The following PTPRD variants were observed in gnomAD, a reference collection of about 807,000 sequenced individuals.
PTPRD encodes protein tyrosine phosphatase receptor type D.
In PTPRD, 34 loss-of-function variants were observed where a neutral mutation model predicts 214.5. The observed-to-expected ratio is 0.16, with a 90% CI of 0.12 to 0.21. PTPRD has a LOEUF of 0.21. Ranked by LOEUF, PTPRD falls within the 10% of genes least tolerant of loss-of-function variation. The pLI is 1.00. For synonymous variants in PTPRD, 1,128 were observed against 845.7 expected (o/e 1.33, Z -5.79); for missense variants, 2,545 against 2,398.7 (o/e 1.06, Z -1.27).
At chr9:8,824,893 C>G (rs942783122) in intron 11 of PTPRD, among the ~76,000 whole-genome samples, 2 of 152,126 alleles carry the variant, frequency 1.3e-5, no homozygotes, top group Admixed American at 1.3e-4. Context: ...GTATTTTTCC[C>G]AGTTTTCCAT....
chr9:8,760,122 G>T (rs888773226), intron 11 of PTPRD, among the ~76,000 whole-genome samples: 1 of 152,284 alleles, frequency 6.6e-6, no homozygotes, highest in East Asian at 1.9e-4. Context: ...GTAGAGACCG[G>T]GTTTTACCAC....
intron 5 of PTPRD, among the ~76,000 whole-genome samples, chr9:9,796,518 A>C (rs889695123): frequency 6.6e-6 from 1 of 152,154 alleles, no homozygotes; most frequent in Non-Finnish European, 1.5e-5. Context: ...TAAAGCTAAG[A>C]AAGTAGATGA....
intron 14 of PTPRD, among the ~76,000 whole-genome samples, chr9:8,580,792 G>A (rs929240628): frequency 6.6e-6 from 1 of 151,946 alleles, no homozygotes; most frequent in Non-Finnish European, 1.5e-5. Flanking sequence ...ACACACACAC[G>A]CTTATATAAA....
intron 14 of PTPRD, among the ~76,000 whole-genome samples, chr9:8,611,719 GAAAAGAC>G (rs1341556811): frequency 1.8e-5 from 2 of 114,242 alleles, no homozygotes; most frequent in Non-Finnish European, 3.8e-5. Context: ...AAGAAAAAAA[GAAAAGAC>G]AAAAGAAAAA....
At chr9:10,263,230 T>C (rs1361881836) in intron 3 of PTPRD, among the ~76,000 whole-genome samples, 2 of 152,182 alleles carry the variant, frequency 1.3e-5, no homozygotes, top group African/African-American at 4.8e-5. Context: ...TAAAGTTACC[T>C]GAAAATGTGG....
At chr9:9,909,355 A>G (rs936448547) in intron 5 of PTPRD, among the ~76,000 whole-genome samples, 2 of 150,124 alleles carry the variant, frequency 1.3e-5, no homozygotes, top group Non-Finnish European at 3.0e-5. Context: ...TATTAATTTA[A>G]CTAACAAGAT....
At chr9:8,444,566 A>G (rs866752388) in intron 34 of PTPRD, among the ~76,000 whole-genome samples, 12 of 152,148 alleles carry the variant, frequency 7.9e-5, no homozygotes, top group Admixed American at 1.3e-4. Context: ...GGTGGAATGA[A>G]GAGTAATTTT....
chr9:9,874,501 A>T (rs2066318945), intron 5 of PTPRD, among the ~76,000 whole-genome samples: 1 of 152,198 alleles, frequency 6.6e-6, no homozygotes, highest in African/African-American at 2.4e-5. Flanking sequence ...CTTAAATGTA[A>T]GCGTGCCTTT....
At chr9:9,723,825 T>C (rs1596067348) in intron 7 of PTPRD, among the ~76,000 whole-genome samples, 1 of 152,264 alleles carries the variant, frequency 6.6e-6, no homozygotes. Context: ...ATTACGAATG[T>C]ATAGAAATAT....
intron 35 of PTPRD, among the ~76,000 whole-genome samples, chr9:8,430,645 G>C (rs1292109796): frequency 2.0e-5 from 3 of 152,078 alleles, no homozygotes; most frequent in Admixed American, 2.0e-4. Context: ...ATCAGTAGCA[G>C]TGGGGTAGTA....
intron 3 of PTPRD, among the ~76,000 whole-genome samples, chr9:10,189,212 G>A (rs2154317778): frequency 6.6e-6 from 1 of 152,230 alleles, no homozygotes; most frequent in Middle Eastern, 3.4e-3. Flanking sequence ...GTCCCATCTA[G>A]GAAAGGTCTG....
intron 8 of PTPRD, among the ~76,000 whole-genome samples, chr9:9,456,287 A>G (rs1220989803): frequency 6.6e-6 from 1 of 151,852 alleles, no homozygotes; most frequent in East Asian, 1.9e-4. Flanking sequence ...AACTACAAAC[A>G]CAAACCCCAA....
chr9:10,075,212 C>T (rs2098114081), intron 3 of PTPRD, among the ~76,000 whole-genome samples: 1 of 152,016 alleles, frequency 6.6e-6, no homozygotes, highest in African/African-American at 2.4e-5. Flanking sequence ...ATTTTTATTA[C>T]TGAAAACCTA....
chr9:10,553,017 A>G (rs1223173584), intron 2 of PTPRD, among the ~76,000 whole-genome samples: 1 of 152,202 alleles, frequency 6.6e-6, no homozygotes, highest in African/African-American at 2.4e-5. Context: ...AAAGTGGGAC[A>G]CAAGAATTCA....
At chr9:10,280,458 T>C (rs557558129) in intron 3 of PTPRD, among the ~76,000 whole-genome samples, 9 of 151,214 alleles carry the variant, frequency 6.0e-5, no homozygotes, top group Admixed American at 1.3e-4. Context: ...ATGATTAGAG[T>C]AATAAAGATG....
intron 21 of PTPRD, among the ~76,000 whole-genome samples, chr9:8,508,534 T>G (rs1230964599): frequency 6.6e-6 from 1 of 152,156 alleles, no homozygotes; most frequent in African/African-American, 2.4e-5. Flanking sequence ...TGAACATATG[T>G]TCATATTCCC....
chr9:9,599,465 G>A (rs1217872351), intron 7 of PTPRD, among the ~76,000 whole-genome samples: 1 of 151,994 alleles, frequency 6.6e-6, no homozygotes, highest in Non-Finnish European at 1.5e-5. Flanking sequence ...GGGCTTCCTG[G>A]GCTGGGTGTG....
rs1719506561 is a variant in PTPRD, at chr9:9,676,843, T to C, written c.-287+57690A>G. Among the ~76,000 whole-genome samples, 3 of 152,296 alleles carry C rather than the reference T, an allele frequency of 2.0e-5. No homozygotes were observed. In the South Asian group the frequency reaches 6.2e-4, roughly 32 times the overall value. The stretch of plus-strand genomic sequence containing the variant: ...TTAACTGGTGTGAGATGGTATCTCA[T>C]TGTGGTTTTGATTTGCATTTCTCTG... On this transcript the variant is annotated intron_variant, in intron 7 of 45. Transcript: ENST00000381196.
chr9:10,010,134 G>C (rs936455541), intron 4 of PTPRD, among the ~76,000 whole-genome samples: 1 of 151,808 alleles, frequency 6.6e-6, no homozygotes, highest in African/African-American at 2.4e-5. Context: ...TTCATTTTAA[G>C]TTGAGAAAAC....
Sources: gnomAD v4.1 joint callset for allele counts (sites outside exome capture counted in the v4.1 genomes callset) on GRCh38, gnomAD v4.1.1 for gene constraint, MANE v1.5 for transcripts, NCBI Gene and HGNC (gene_info 2026-07-23, HGNC 2026-07-21) for gene names.